The following RNF180 variants were observed in gnomAD, a reference collection of about 807,000 sequenced individuals.
The protein encoded by RNF180 is ring finger protein 180.
A neutral mutation model predicts 59.2 loss-of-function variants in RNF180; 38 were observed. The ratio of observed to expected loss-of-function variants is 0.64; its 90% CI spans 0.50 to 0.84. The LOEUF (loss-of-function observed/expected upper bound fraction) is 0.84, where lower values mean the gene tolerates loss of function less well. Among genes scored for constraint, RNF180 ranks in the 40% least tolerant of loss-of-function variants. The pLI is 0.00. For missense variants in RNF180, 705 were observed against 700.9 expected, an observed-to-expected ratio of 1.01 and a Z score of -0.07; for synonymous variants, 262 against 240.3, an observed-to-expected ratio of 1.09 and a Z score of -0.84.
intron 7 of RNF180, among the ~76,000 whole-genome samples, chr5:64,338,029 G>A (rs1745203512): frequency 6.6e-6 from 1 of 151,946 alleles, no homozygotes. Context: ...CCAGTAATGG[G>A]ATGGCTGGGT....
intron 5 of RNF180, among the ~76,000 whole-genome samples, chr5:64,245,626 A>G (rs1743103540): frequency 6.6e-6 from 1 of 152,216 alleles, no homozygotes; most frequent in Admixed American, 6.5e-5. Flanking sequence ...GCAAGTTCTT[A>G]GAGACCTACA....
At chr5:64,268,638 A>G (rs1368659770) in intron 5 of RNF180, among the ~76,000 whole-genome samples, 1 of 152,178 alleles carries the variant, frequency 6.6e-6, no homozygotes, top group African/African-American at 2.4e-5. Context: ...GAATCTTTCA[A>G]CTTTTAAGAA....
chr5:64,262,249 A>G (rs1004837878), intron 5 of RNF180, among the ~76,000 whole-genome samples: 1 of 152,170 alleles, frequency 6.6e-6, no homozygotes, highest in African/African-American at 2.4e-5. Context: ...TGAATTATCC[A>G]TTCTTTAAGA....
intron 5 of RNF180, among the ~76,000 whole-genome samples, chr5:64,318,355 G>A (rs1164691077): frequency 6.6e-6 from 1 of 152,148 alleles, no homozygotes; most frequent in African/African-American, 2.4e-5. Context: ...TATATACAAA[G>A]TGGATATACT....
Position 64,242,406 on chromosome 5 carries a change from T to C in RNF180, c.1227+25010T>C, listed in dbSNP as rs1742860599. On this transcript the variant is annotated intron_variant, in intron 5 of 7. Transcript: ENST00000389100. Reference sequence around the variant, plus strand: ...GTGTCAGTGACCCTAATTAAATGCATGTATGAAGTGCCTGACAACTCAAAA... The same window carrying C: ...GTGTCAGTGACCCTAATTAAATGCACGTATGAAGTGCCTGACAACTCAAAA... Among the ~76,000 whole-genome samples the C allele has an allele frequency of 2.0e-5, 3 of 152,310 alleles. No homozygotes were observed. In the South Asian group the frequency reaches 6.2e-4, roughly 32 times the overall value.
chr5:64,320,855 G>A (rs951884845), intron 5 of RNF180, among the ~76,000 whole-genome samples: 3 of 152,122 alleles, frequency 2.0e-5, no homozygotes, highest in African/African-American at 7.2e-5. Flanking sequence ...TGGCTAATAC[G>A]GTGAAACCCT....
At chr5:64,171,771 G>A (rs1185789500) in intron 1 of RNF180, among the ~76,000 whole-genome samples, 2 of 152,086 alleles carry the variant, frequency 1.3e-5, no homozygotes, top group Admixed American at 1.3e-4. Flanking sequence ...CCAGAACTTG[G>A]AAAGGAAATT....
At chr5:64,172,300 T>C (rs9986206) in intron 1 of RNF180, among the ~76,000 whole-genome samples, 44,954 of 152,022 alleles carry the variant, frequency 0.3, 6,988 homozygotes, top group African/African-American at 0.38. Context: ...TTTTGAATCA[T>C]TGGGCAATTC....
At chr5:64,203,262 T>C (rs1751844347) in intron 2 of RNF180, among the ~76,000 whole-genome samples, 1 of 152,170 alleles carries the variant, frequency 6.6e-6, no homozygotes, top group Admixed American at 6.5e-5. Context: ...CAAACAAAAT[T>C]CTGCCTGGGC....
chr5:64,185,794 A>G (rs985458812), intron 1 of RNF180, among the ~76,000 whole-genome samples: 6 of 152,212 alleles, frequency 3.9e-5, no homozygotes, highest in Admixed American at 2.0e-4. Context: ...GTAGAGGAAG[A>G]ATCAGATGTA....
At chr5:64,265,771 G>A (rs1744632680) in intron 5 of RNF180, among the ~76,000 whole-genome samples, 1 of 152,058 alleles carries the variant, frequency 6.6e-6, no homozygotes, top group Non-Finnish European at 1.5e-5. Flanking sequence ...AAAAATGTCA[G>A]TGGTAGTTTG....
At chr5:64,206,081 T>C (rs1011828836) in intron 2 of RNF180, among the ~76,000 whole-genome samples, 1 of 152,214 alleles carries the variant, frequency 6.6e-6, no homozygotes, top group African/African-American at 2.4e-5. Flanking sequence ...TAGAGGGAGC[T>C]AGTTTGTGAA....
chr5:64,244,373 C>T (rs749982868), intron 5 of RNF180, among the ~76,000 whole-genome samples: 29 of 150,248 alleles, frequency 1.9e-4, no homozygotes, highest in Middle Eastern at 3.4e-3. Context: ...ACTAGAATAA[C>T]AAGTTTGGAG....
In RNF180 at chr5:64,168,150, C is replaced by G. The variant is rs543373545; in HGVS notation, c.-1+2197C>G. Among the ~76,000 whole-genome samples, 14 of 152,240 alleles carry G rather than the reference C, an allele frequency of 9.2e-5. 2 individuals are homozygous for G. Among genetic ancestry groups the G allele is most frequent in the African/African-American group, 3.4e-4 (14 of 41,564 alleles). On this transcript the variant is annotated intron_variant, in intron 1 of 7. Transcript: ENST00000389100. The stretch of plus-strand genomic sequence containing the variant: ...ATTTACAAGCAAAATAAAAACATTT[C>G]ATGATAACATTCATAAACACTTGTT...
intron 2 of RNF180, among the ~76,000 whole-genome samples, chr5:64,205,377 C>G (rs970172646): frequency 1.3e-5 from 2 of 152,100 alleles, no homozygotes; most frequent in Admixed American, 6.6e-5. Flanking sequence ...GGACTTCGAC[C>G]TTGCATCCAG....
chr5:64,176,210 C>T (rs774916746), intron 1 of RNF180, among the ~76,000 whole-genome samples: 7 of 151,812 alleles, frequency 4.6e-5, no homozygotes, highest in East Asian at 1.9e-4. Flanking sequence ...CTTGGTAGGT[C>T]GTATATATCT....
chr5:64,319,303 T>G (rs1744222648), intron 5 of RNF180, among the ~76,000 whole-genome samples: 1 of 152,194 alleles, frequency 6.6e-6, no homozygotes. Context: ...AGATTATTCT[T>G]TATTTCATTT....
chr5:64,281,096 C>T (rs1263747699), intron 5 of RNF180, among the ~76,000 whole-genome samples: 1 of 152,180 alleles, frequency 6.6e-6, no homozygotes, highest in African/African-American at 2.4e-5. Context: ...CTTGATTTCA[C>T]ACTAGACTCA....
At chr5:64,304,263 G>T (rs1409835102) in intron 5 of RNF180, among the ~76,000 whole-genome samples, 1 of 151,634 alleles carries the variant, frequency 6.6e-6, no homozygotes, top group Non-Finnish European at 1.5e-5. Context: ...ACATTCTGCA[G>T]TCCATGGATC....
Sources: gnomAD v4.1 joint callset for allele counts (sites outside exome capture counted in the v4.1 genomes callset) on GRCh38, gnomAD v4.1.1 for gene constraint, MANE v1.5 for transcripts, NCBI Gene and HGNC (gene_info 2026-07-23, HGNC 2026-07-21) for gene names.